Variants in TBC1D5 observed in about 807,000 individuals in gnomAD.
TBC1D5 encodes the protein TBC1 domain family, member 5.
Under a neutral mutation model 100.3 loss-of-function variants are expected in TBC1D5, and 75 were observed. The ratio of observed to expected loss-of-function variants is 0.75; its 90% CI spans 0.62 to 0.91. TBC1D5 has a LOEUF of 0.91. TBC1D5 is among the 40% of genes least tolerant of loss of function. TBC1D5 has a pLI of 0.00. For synonymous variants in TBC1D5, 323 were observed against 325.6 expected (o/e 0.99, Z 0.09); for missense variants, 910 against 942.4 (o/e 0.97, Z 0.45).
chr3:17,592,472 G>A (rs2060290810), intron 2 of TBC1D5, among the ~76,000 whole-genome samples: 1 of 152,198 alleles, frequency 6.6e-6, no homozygotes, highest in Non-Finnish European at 1.5e-5. Flanking sequence ...ATCTTCTAAG[G>A]TGAAGGATAA....
At chr3:17,444,361 A>G (rs932878427) in intron 3 of TBC1D5, among the ~76,000 whole-genome samples, 7 of 152,084 alleles carry the variant, frequency 4.6e-5, no homozygotes, top group Non-Finnish European at 1.0e-4. Flanking sequence ...TTTACATACT[A>G]CATAAACAAT....
intron 2 of TBC1D5, among the ~76,000 whole-genome samples, chr3:17,609,929 A>C (rs886982152): frequency 2.0e-5 from 3 of 152,188 alleles, no homozygotes; most frequent in African/African-American, 7.2e-5. Context: ...TATCTCAAAC[A>C]AACAACTCAT....
chr3:17,339,923 G>A (rs2088590901), intron 13 of TBC1D5, among the ~76,000 whole-genome samples: 2 of 152,112 alleles, frequency 1.3e-5, no homozygotes, highest in Admixed American at 6.5e-5. Context: ...ATTTTGAAAT[G>A]GAATTAATGT....
intron 19 of TBC1D5, among the ~76,000 whole-genome samples, chr3:17,177,645 C>G (rs2596668): frequency 0.54 from 81,689 of 152,114 alleles, 22,264 homozygotes; most frequent in African/African-American, 0.61. Flanking sequence ...GCCAGTAACA[C>G]CAAGTCATTC....
At chr3:17,478,957 T>C (rs922325769) in intron 3 of TBC1D5, among the ~76,000 whole-genome samples, 1 of 152,202 alleles carries the variant, frequency 6.6e-6, no homozygotes, top group African/African-American at 2.4e-5. Flanking sequence ...TAATAAATGC[T>C]TACTATATTG....
intron 1 of TBC1D5, among the ~76,000 whole-genome samples, chr3:17,728,366 G>C (rs2076287840): frequency 1.3e-5 from 2 of 152,124 alleles, no homozygotes; most frequent in South Asian, 4.1e-4. Context: ...TTTCTACCTA[G>C]AAAACCAAAG....
chr3:17,400,901 C>T (rs1446302473), intron 8 of TBC1D5, among the ~76,000 whole-genome samples: 1 of 152,080 alleles, frequency 6.6e-6, no homozygotes. Context: ...TTGGGGCCTT[C>T]AGCCATAGAC....
At chr3:17,428,071 T>C (rs1312718808) in intron 4 of TBC1D5, among the ~76,000 whole-genome samples, 1 of 151,796 alleles carries the variant, frequency 6.6e-6, no homozygotes, top group African/African-American at 2.4e-5. Context: ...AGCGGTACTA[T>C]ATTTTAGCAG....
At chr3:17,416,353 T>C (rs2094071045) in intron 4 of TBC1D5, among the ~76,000 whole-genome samples, 2 of 152,200 alleles carry the variant, frequency 1.3e-5, no homozygotes, top group South Asian at 4.1e-4. Context: ...ACATATTGTA[T>C]TTTAATTAAT....
At chr3:17,357,607 T>G (rs2091334348) in intron 13 of TBC1D5, among the ~76,000 whole-genome samples, 1 of 152,178 alleles carries the variant, frequency 6.6e-6, no homozygotes, top group African/African-American at 2.4e-5. Context: ...AAAAATCTCT[T>G]CTCAATTTTC....
intron 13 of TBC1D5, among the ~76,000 whole-genome samples, chr3:17,340,298 A>G (rs2088666427): frequency 6.6e-6 from 1 of 152,154 alleles, no homozygotes; most frequent in South Asian, 2.1e-4. Flanking sequence ...AAGGAGAGAC[A>G]ATAAAAAAGT....
exon 13 of TBC1D5, chr3:17,372,210 C>A: frequency 6.2e-7 from 1 of 1,613,408 alleles, no homozygotes; most frequent in Non-Finnish European, 8.5e-7. Flanking sequence ...ATCTTGTGGT[C>A]TAGCAAAGGG....
chr3:17,305,022 A>C (rs561247353), intron 14 of TBC1D5, among the ~76,000 whole-genome samples: 1 of 152,362 alleles, frequency 6.6e-6, no homozygotes, highest in East Asian at 1.9e-4. Context: ...GCTGAAGAAA[A>C]GACTACTGTA....
At chr3:17,492,892 C>G (rs1186805962) in intron 3 of TBC1D5, among the ~76,000 whole-genome samples, 1 of 151,780 alleles carries the variant, frequency 6.6e-6, no homozygotes, top group Non-Finnish European at 1.5e-5. Context: ...CTTTATTCAG[C>G]TTGCCATTTT....
intron 2 of TBC1D5, among the ~76,000 whole-genome samples, chr3:17,584,592 A>T (rs1021675829): frequency 1.2e-4 from 19 of 152,324 alleles, no homozygotes; most frequent in African/African-American, 4.1e-4. Context: ...TAAATGTAAT[A>T]AACTTCATTT....
At chr3:17,380,039 C>CTGTA (rs1644497502) in intron 9 of TBC1D5, among the ~76,000 whole-genome samples, 1 of 100,020 alleles carries the variant, frequency 1.0e-5, no homozygotes, top group Admixed American at 1.2e-4. Context: ...ACAGCTGTGA[C>CTGTA]TGTGTATGTG....
At chr3:17,505,594 G>A (rs1345887643) in intron 3 of TBC1D5, among the ~76,000 whole-genome samples, 1 of 152,080 alleles carries the variant, frequency 6.6e-6, no homozygotes, top group East Asian at 1.9e-4. Context: ...TTGTGAAAAC[G>A]AGTGATTCCA....
At chr3:17,417,508 C>T (rs937620492) in intron 4 of TBC1D5, among the ~76,000 whole-genome samples, 1 of 152,120 alleles carries the variant, frequency 6.6e-6, no homozygotes, top group Non-Finnish European at 1.5e-5. Context: ...CATGTCCCTA[C>T]AAAGGACATG....
chr3:17,210,249 G>A (rs532220220), intron 18 of TBC1D5, among the ~76,000 whole-genome samples: 36 of 151,414 alleles, frequency 2.4e-4, no homozygotes, highest in East Asian at 2.2e-3. Flanking sequence ...GTGCAGTGGC[G>A]CGATCTCGGC....
Sources: allele counts gnomAD v4.1 joint callset (sites outside exome capture counted in the v4.1 genomes callset), GRCh38; gene constraint gnomAD v4.1.1; transcripts MANE v1.5; gene names NCBI Gene and HGNC (gene_info 2026-07-23, HGNC 2026-07-21).